Variants in QSER1 observed in about 807,000 individuals in gnomAD.
The protein encoded by QSER1 is glutamine and serine rich 1, also known as glutamine and serine-rich protein 1.
In QSER1, 49 loss-of-function variants were observed where a neutral mutation model predicts 158.5. That is an observed-to-expected ratio of 0.31 (90% CI 0.25 to 0.39). The LOEUF is 0.39. Ranked by LOEUF, QSER1 falls within the 10% of genes least tolerant of loss-of-function variation. The probability of loss-of-function intolerance (pLI) is 1.00; values close to 1 mark genes in which losing one functional copy is unlikely to be tolerated. For missense variants in QSER1, 1,754 were observed against 2,010.3 expected (o/e 0.87, Z 2.44); for synonymous variants, 650 against 715.5 (o/e 0.91, Z 1.46).
intron 8 of QSER1, among the ~76,000 whole-genome samples, chr11:32,960,948 T>C (rs1419184902): frequency 6.6e-6 from 1 of 152,194 alleles, no homozygotes; most frequent in East Asian, 1.9e-4. Flanking sequence ...TTCAAACACA[T>C]TGAGGATTCC....
Position 32,953,859 on chromosome 11 carries a change from G to A in QSER1, c.4180G>A (p.Ala1394Thr), listed in dbSNP as rs1303197530. 6.2e-7 allele frequency: 1 copy of A among 1,601,956 alleles called. No homozygotes were observed. The highest frequency in any genetic ancestry group is 1.7e-5 in the Admixed American group (1 of 58,114). The change falls in exon 5 of 13, where the codon GCC becomes ACC. Residue 1394 changes from alanine to threonine, a missense_variant and splice_region_variant. Ala to Thr is a moderately conservative substitution (Grantham distance 58). This residue lies in a region of QSER1 where 1,707 missense variants were observed against 1,919.6 expected (regional missense o/e 0.89). Coordinates refer to ENST00000650167, the MANE Select transcript of QSER1 (RefSeq NM_001076786.3). The part of the protein sequence containing the change: ...ATSDKKKKTE[A>T]LQVATTSPTA... ...GCATTTGCTTGGTTTTGTTTCAGAA[G>A]CCCTACAGGTGGCAACTACTAGCCC... is the stretch of plus-strand genomic sequence containing the variant.
At position 32,932,277 on chromosome 11, in the gene QSER1, C is replaced by G; in HGVS notation, c.1019C>G (p.Ser340Cys). The change falls in exon 4 of 13, where the codon TCC becomes TGC. Residue 340 changes from serine to cysteine, a missense_variant. Physicochemically the swap from Ser to Cys is moderately radical, Grantham distance 112 (BLOSUM62 -1). Around this residue, in one of 2 missense-constraint regions of QSER1, gnomAD observed 1,707 missense variants for 1,919.6 expected, o/e 0.89. Coordinates refer to ENST00000650167, the MANE Select transcript of QSER1 (RefSeq NM_001076786.3). The part of the protein sequence containing the change: ...IQAQLTGSQH[S>C]LHSYLSNSSV... Reference sequence around the variant, plus strand: ...GCACAACTGACTGGTTCACAGCACTCCTTACATAGTTATCTATCAAATTCA... The same window carrying G: ...GCACAACTGACTGGTTCACAGCACTGCTTACATAGTTATCTATCAAATTCA... 6.2e-7 allele frequency: 1 copy of G among 1,613,978 alleles called. No individual in the cohort carries two copies. Among genetic ancestry groups the G allele is most frequent in the Non-Finnish European group, 8.5e-7 (1 of 1,180,024 alleles).
chr11:32,975,589 G>A, intron 12 of QSER1: 1 of 1,312,706 alleles, frequency 7.6e-7, no homozygotes, highest in Non-Finnish European at 9.8e-7. Context: ...GAAGCTGTTG[G>A]TGCTTGCTTT....
intron 4 of QSER1, among the ~76,000 whole-genome samples, chr11:32,936,757 C>T (rs564515513): frequency 2.0e-5 from 3 of 152,314 alleles, no homozygotes; most frequent in African/African-American, 7.2e-5. Context: ...TAGGGTGGTG[C>T]TTTAAGACTT....
rs917208471 is a variant in QSER1 at position 32,979,969 on chromosome 11, G to A, written c.*3495G>A. On this transcript the variant is annotated 3_prime_UTR_variant, in exon 13 of 13. Coordinates refer to ENST00000650167, the MANE Select transcript of QSER1 (RefSeq NM_001076786.3). ...TAGAGTGAAATATCCCAGGATAACT[G>A]CTTCTGTGTCAGTCGCATTTGACGC... The A allele has an allele frequency of 1.3e-5, 2 of 152,348 alleles. No homozygotes were observed. The highest frequency in any genetic ancestry group is 4.8e-5 in the African/African-American group (2 of 41,444). 9.4% of individuals were successfully genotyped at this position (152,348 alleles called of 1,614,324 possible). A position where few individuals can be genotyped will look rare whatever the true frequency, so the allele number is the denominator to read the frequency against.
At chr11:32,957,792 TTC>T in intron 7 of QSER1, 75 bp from the exon 8 acceptor site, 1 of 1,176,084 alleles carries the variant, frequency 8.5e-7, no homozygotes, top group Non-Finnish European at 1.2e-6. Context: ...TCTCCTGTGA[TTC>T]TCTTTTATTT....
At chr11:32,960,420 G>A (rs1852602709) in intron 8 of QSER1, among the ~76,000 whole-genome samples, 1 of 151,952 alleles carries the variant, frequency 6.6e-6, no homozygotes. Flanking sequence ...TTAGCCAGGT[G>A]TGGTGGCAGG....
chr11:32,905,693 C>G (rs995979009), intron 1 of QSER1, among the ~76,000 whole-genome samples: 2 of 151,962 alleles, frequency 1.3e-5, no homozygotes, highest in Admixed American at 1.3e-4. Context: ...GTTTCTAAGA[C>G]TCGTAAGTTG....
chr11:32,910,026 A>T (rs533267059), intron 1 of QSER1, among the ~76,000 whole-genome samples: 1 of 152,138 alleles, frequency 6.6e-6, no homozygotes, highest in Non-Finnish European at 1.5e-5. Flanking sequence ...AAGGTTTTCC[A>T]TGTCTGACCG....
chr11:32,953,608 A>G (rs1417743759), intron 4 of QSER1, among the ~76,000 whole-genome samples: 3 of 152,152 alleles, frequency 2.0e-5, no homozygotes, highest in African/African-American at 4.8e-5. Context: ...CTCTACTTAC[A>G]TGGAATTGGC....
At chr11:32,972,075 A>C (rs1476190817) in intron 10 of QSER1, among the ~76,000 whole-genome samples, 3 of 151,772 alleles carry the variant, frequency 2.0e-5, no homozygotes, top group Admixed American at 6.6e-5. Context: ...AAAAAAAAAA[A>C]AACAAAACAG....
chr11:32,949,857 GTCTT>G (rs1813974317), intron 4 of QSER1, among the ~76,000 whole-genome samples: 1 of 152,164 alleles, frequency 6.6e-6, no homozygotes, highest in South Asian at 2.1e-4. Flanking sequence ...CAACAAGGAG[GTCTT>G]TATTTGTCAA....
At position 32,909,170 on chromosome 11, in the gene QSER1, A is replaced by T. The variant is rs547930797; in HGVS notation, c.209+15836A>T. Among the ~76,000 whole-genome samples, 60 of 152,310 alleles carry T rather than the reference A, an allele frequency of 3.9e-4. 1 individual carries two copies. In the South Asian group the frequency reaches 0.01, roughly 26 times the overall value. On this transcript the variant is annotated intron_variant, in intron 1 of 12. Coordinates refer to ENST00000650167, the MANE Select transcript of QSER1 (RefSeq NM_001076786.3). ...CAAGACTCCATCTCAAAAAATGAAA[A>T]GAAATATATGGATGTTCCAATTTCC...
chr11:32,938,258 T>C (rs1004691350), intron 4 of QSER1, among the ~76,000 whole-genome samples: 24 of 152,198 alleles, frequency 1.6e-4, no homozygotes, highest in African/African-American at 5.3e-4. Flanking sequence ...AAGAACGTCA[T>C]GCACAACCTG....
chr11:32,960,548 G>A (rs1207338342), intron 8 of QSER1, among the ~76,000 whole-genome samples: 10 of 152,046 alleles, frequency 6.6e-5, no homozygotes, highest in African/African-American at 1.7e-4. Context: ...CAACAAGAGC[G>A]AAACTCCATC....
At chr11:32,905,030 T>G (rs1851674532) in intron 1 of QSER1, among the ~76,000 whole-genome samples, 4 of 152,258 alleles carry the variant, frequency 2.6e-5, no homozygotes, top group Admixed American at 2.0e-4. Flanking sequence ...ATGGGGGATA[T>G]TCTACTTTTA....
rs921367925 is a variant in QSER1, at chr11:32,977,897, T to A, written c.*1423T>A. The stretch of plus-strand genomic sequence containing the variant: ...CCTATCAAGAAAGCAGTGTTACTGC[T>A]CAATGCCCAAATAAGACACGCGGAT... On this transcript the variant is annotated 3_prime_UTR_variant, in exon 13 of 13. Transcript: ENST00000650167. 6.6e-6 allele frequency: 1 copy of A among 152,628 alleles called. No individual in the cohort carries two copies. The highest frequency in any genetic ancestry group is 1.5e-5 in the Non-Finnish European group (1 of 68,030). The allele number at this position is 152,628 out of a possible 1,614,324, so 9.5% of individuals were successfully genotyped here.
rs555919953 is a variant in QSER1 at position 32,979,263 on chromosome 11, A to G, written c.*2789A>G. On this transcript the variant is annotated 3_prime_UTR_variant, in exon 13 of 13. Transcript: ENST00000650167. The stretch of plus-strand genomic sequence containing the variant: ...ATAGAAATAACTTTAGGTTTTAGGT[A>G]GAGTTAAAGAGGTAAAGCACATGTT... 4 of 152,758 alleles carry G rather than the reference A, an allele frequency of 2.6e-5. No homozygotes were observed. The highest frequency in any genetic ancestry group is 9.6e-5 in the African/African-American group (4 of 41,582). The allele number at this position is 152,758 out of a possible 1,614,324, so 9.5% of individuals were successfully genotyped here. A position where few individuals can be genotyped will look rare whatever the true frequency, so the allele number is the denominator to read the frequency against.
chr11:32,903,858 C>T (rs926998793), intron 1 of QSER1, among the ~76,000 whole-genome samples: 7 of 152,124 alleles, frequency 4.6e-5, no homozygotes, highest in Admixed American at 2.6e-4. Context: ...GTGATCCACC[C>T]GCCTTGGCCT....
Sources: allele counts gnomAD v4.1 joint callset (sites outside exome capture counted in the v4.1 genomes callset), GRCh38; gene constraint gnomAD v4.1.1; regional missense constraint gnomAD v4.1.1; transcripts MANE v1.5; gene names NCBI Gene and HGNC (gene_info 2026-07-23, HGNC 2026-07-21).